Variants in PALM2AKAP2 observed in about 807,000 individuals in gnomAD.
PALM2AKAP2 encodes PALM2-AKAP2 fusion protein.
A neutral mutation model predicts 71.5 loss-of-function variants in PALM2AKAP2; 37 were observed. The observed-to-expected ratio is 0.52, with a 90% CI of 0.40 to 0.68. The LOEUF (loss-of-function observed/expected upper bound fraction) is 0.68. Among genes scored for constraint, PALM2AKAP2 ranks in the 30% least tolerant of loss-of-function variants. The probability of loss-of-function intolerance (pLI) is 0.00; values close to 1 mark genes in which losing one functional copy is unlikely to be tolerated. For missense variants in PALM2AKAP2, 1,224 were observed against 1,191.8 expected, an observed-to-expected ratio of 1.03 and a Z score of -0.40; for synonymous variants, 468 against 478.8, an observed-to-expected ratio of 0.98 and a Z score of 0.29.
At chr9:110,090,503 T>C (rs1258066711) in intron 1 of PALM2AKAP2, 2 of 450,162 alleles carry the variant, frequency 4.4e-6, no homozygotes, top group Admixed American at 2.4e-5. Context: ...TAAGGCACAT[T>C]TCTCTTTTAT....
At chr9:109,723,323 T>C (rs539110015) in intron 1 of PALM2AKAP2, among the ~76,000 whole-genome samples, 15 of 152,238 alleles carry the variant, frequency 9.9e-5, no homozygotes, top group Non-Finnish European at 1.9e-4. Context: ...GCACCGACCT[T>C]ATGTAGCCAT....
At chr9:109,854,798 G>GTCT (rs946898883) in intron 1 of PALM2AKAP2, among the ~76,000 whole-genome samples, 2 of 112,610 alleles carry the variant, frequency 1.8e-5, no homozygotes, top group African/African-American at 7.3e-5. Flanking sequence ...TTTAGATGGA[G>GTCT]TCTTGCTCTA....
At chr9:109,891,786 TG>T (rs1359486749) in intron 3 of PALM2AKAP2, among the ~76,000 whole-genome samples, 1 of 152,120 alleles carries the variant, frequency 6.6e-6, no homozygotes, top group African/African-American at 2.4e-5. Flanking sequence ...TCCCCGTGCC[TG>T]GCCATCACCC....
upstream of PALM2AKAP2, among the ~76,000 whole-genome samples, chr9:110,045,074 G>GGGGCCA: frequency 7.5e-5 from 1 of 13,318 alleles, no homozygotes. Context: ...GGGTCCCCTG[G>GGGGCCA]CTCAGGGGTG....
intron 6 of PALM2AKAP2, among the ~76,000 whole-genome samples, chr9:110,005,169 G>A (rs1832753765): frequency 6.6e-6 from 1 of 152,048 alleles, no homozygotes; most frequent in Admixed American, 6.6e-5. Flanking sequence ...ATCTACCTTT[G>A]GTCTTTGATG....
chr9:110,132,614 G>A (rs985029825), intron 1 of PALM2AKAP2, among the ~76,000 whole-genome samples: 2 of 151,698 alleles, frequency 1.3e-5, no homozygotes, highest in Non-Finnish European at 2.9e-5. Context: ...ACAGGCGTGA[G>A]CCACCACACC....
intron 1 of PALM2AKAP2, among the ~76,000 whole-genome samples, chr9:109,789,987 C>G (rs910249650): frequency 7.9e-5 from 12 of 152,146 alleles, no homozygotes; most frequent in South Asian, 6.2e-4. Flanking sequence ...CTTTGGATTA[C>G]TCTTTGACCC....
intron 1 of PALM2AKAP2, among the ~76,000 whole-genome samples, chr9:109,689,411 GC>G (rs1214487662): frequency 6.6e-6 from 1 of 151,854 alleles, no homozygotes; most frequent in African/African-American, 2.4e-5. Flanking sequence ...AGTTGATCAG[GC>G]TGGTCTCAAA....
At chr9:109,873,531 G>A (rs1829654314) in intron 2 of PALM2AKAP2, among the ~76,000 whole-genome samples, 1 of 151,948 alleles carries the variant, frequency 6.6e-6, no homozygotes, top group African/African-American at 2.4e-5. Flanking sequence ...TCATCCACTA[G>A]AATAGCCAAT....
chr9:109,753,718 T>G (rs1828918655), intron 1 of PALM2AKAP2, among the ~76,000 whole-genome samples: 1 of 152,134 alleles, frequency 6.6e-6, no homozygotes, highest in South Asian at 2.1e-4. Context: ...ATCGAGGCAG[T>G]TAGAGATTGT....
chr9:109,898,061 A>T (rs12684156), intron 3 of PALM2AKAP2, among the ~76,000 whole-genome samples: 23,428 of 152,276 alleles, frequency 0.15, 2,261 homozygotes, highest in East Asian at 0.25. Context: ...TAATTTACTT[A>T]ACTGCTCTAT....
At chr9:109,744,469 G>A (rs905915936) in intron 1 of PALM2AKAP2, among the ~76,000 whole-genome samples, 16 of 151,986 alleles carry the variant, frequency 1.1e-4, no homozygotes, top group African/African-American at 3.4e-4. Context: ...GGCAATTTTC[G>A]GAGCCTAATT....
At chr9:110,091,294 A>G (rs1167973035) in intron 1 of PALM2AKAP2, among the ~76,000 whole-genome samples, 2 of 151,974 alleles carry the variant, frequency 1.3e-5, no homozygotes, top group African/African-American at 2.4e-5. Context: ...TTTTTTAAAA[A>G]ACCCTCTTAA....
chr9:110,057,953 C>T (rs78693254), intron 1 of PALM2AKAP2, among the ~76,000 whole-genome samples: 3,335 of 152,222 alleles, frequency 0.022, 58 homozygotes, highest in Non-Finnish European at 0.034. Context: ...GGACTGGACC[C>T]GAAACATTGG....
intron 1 of PALM2AKAP2, among the ~76,000 whole-genome samples, chr9:110,092,790 A>G (rs1413588393): frequency 1.3e-5 from 2 of 152,146 alleles, no homozygotes; most frequent in Admixed American, 6.5e-5. Context: ...TCTATTCTCT[A>G]GTAGACTCTT....
intron 1 of PALM2AKAP2, among the ~76,000 whole-genome samples, chr9:109,857,648 C>T (rs1829202953): frequency 6.6e-6 from 1 of 152,190 alleles, no homozygotes; most frequent in South Asian, 2.1e-4. Flanking sequence ...CTGAACATGT[C>T]TCTTTTCATG....
intron 1 of PALM2AKAP2, among the ~76,000 whole-genome samples, chr9:109,849,475 C>T (rs921760928): frequency 2.6e-5 from 4 of 152,080 alleles, no homozygotes; most frequent in African/African-American, 9.7e-5. Flanking sequence ...GGGCTGGGCG[C>T]GGTAGCTCAC....
intron 1 of PALM2AKAP2, among the ~76,000 whole-genome samples, chr9:110,097,409 C>T (rs1161267857): frequency 6.7e-6 from 1 of 150,008 alleles, no homozygotes; most frequent in Middle Eastern, 3.4e-3. Context: ...ACCTTTCCCC[C>T]CTTTCTATTC....
intron 1 of PALM2AKAP2, among the ~76,000 whole-genome samples, chr9:110,117,970 G>A (rs142920533): frequency 0.013 from 1,332 of 104,978 alleles, 25 homozygotes; most frequent in African/African-American, 0.058. Context: ...TATATATGTC[G>A]TTTTGTGTGT....
Sources: allele counts gnomAD v4.1 joint callset (sites outside exome capture counted in the v4.1 genomes callset), GRCh38; gene constraint gnomAD v4.1.1; transcripts MANE v1.5; gene names NCBI Gene and HGNC (gene_info 2026-07-23, HGNC 2026-07-21).